GCNT4: variants seen among roughly 807,000 people sequenced by gnomAD.
GCNT4 encodes the protein glucosaminyl (N-acetyl) transferase 4.
Under a neutral mutation model 31.3 loss-of-function variants are expected in GCNT4, and 17 were observed. That is an observed-to-expected ratio of 0.54 (90% CI 0.37 to 0.81). The LOEUF is 0.81. GCNT4 is among the 40% of genes least tolerant of loss of function. The pLI is 0.00. For synonymous variants in GCNT4, 158 were observed against 190.6 expected, an observed-to-expected ratio of 0.83 and a Z score of 1.41; for missense variants, 503 against 525.5, an observed-to-expected ratio of 0.96 and a Z score of 0.42.
At chr5:75,031,271 T>A (rs149852068) in intron 3 of GCNT4, among the ~76,000 whole-genome samples, 47 of 152,216 alleles carry the variant, frequency 3.1e-4, no homozygotes, top group African/African-American at 5.1e-4. Flanking sequence ...GGAGTCTCAC[T>A]GTGCTGCCCA....
At chr5:75,021,222 T>C (rs1742877200), downstream of GCNT4, among the ~76,000 whole-genome samples, 1 of 152,186 alleles carries the variant, frequency 6.6e-6, no homozygotes, top group Non-Finnish European at 1.5e-5. Context: ...TGATACAAAC[T>C]TGTCCAAGTA....
intron 3 of GCNT4, among the ~76,000 whole-genome samples, chr5:75,046,393 A>G (rs1219334435): frequency 6.6e-6 from 1 of 152,162 alleles, no homozygotes; most frequent in African/African-American, 2.4e-5. Context: ...GAGAAGGAAG[A>G]AAAAAAGGAG....
Position 75,029,021 on chromosome 5 carries a change from C to T in GCNT4, c.1017G>A (p.Trp339Ter). 2.5e-6 allele frequency: 4 copies of T among 1,613,958 alleles called. No homozygotes were observed. The highest frequency in any genetic ancestry group is 2.2e-5 in the South Asian group (2 of 91,076). The change falls in exon 4 of 4, where the codon TGG (tryptophan) becomes TGA (stop). Residue 339 changes from tryptophan (W) to a stop codon, truncating the protein, a stop_gained. Coordinates refer to ENST00000652361, the MANE Select transcript of GCNT4 (RefSeq NM_001366737.1). LOFTEE classifies it high-confidence loss of function. Reference sequence around the variant, plus strand: ...TTCCTGGAACCCGAATCAAGGTAGCCCAAAAGTGCTCATCAGGAGAGTATG... The same window carrying T: ...TTCCTGGAACCCGAATCAAGGTAGCTCAAAAGTGCTCATCAGGAGAGTATG... ...KDTYSPDEHF[W>*]ATLIRVPGIP...
chr5:75,018,114 A>G, the GCNT4 span, among the ~76,000 whole-genome samples: 1 of 152,078 alleles, frequency 6.6e-6, no homozygotes, highest in Non-Finnish European at 1.5e-5. Context: ...TGCCAAGATG[A>G]TCCTCCTATC....
chr5:75,053,351 C>T (rs1388922463), upstream of GCNT4, among the ~76,000 whole-genome samples: 1 of 152,112 alleles, frequency 6.6e-6, no homozygotes, highest in Non-Finnish European at 1.5e-5. Flanking sequence ...GCGCCCCCGC[C>T]TGCCGCCTGG....
At position 75,052,430 on chromosome 5, in the gene GCNT4, T is replaced by TAGC. The variant is rs1743595030; in HGVS notation, c.-206_-204dup. The TAGC allele has an allele frequency of 6.6e-6, 1 of 152,162 alleles. No homozygotes were observed. Among genetic ancestry groups the TAGC allele is most frequent in the Non-Finnish European group, 1.5e-5 (1 of 68,030 alleles). The allele number at this position is 152,162 out of a possible 1,614,324, so 9.4% of individuals were successfully genotyped here. On this transcript the variant is annotated splice_region_variant and 5_prime_UTR_variant, in exon 1 of 4. Transcript: ENST00000652361. ...AAAACACCCACTCGCCCCGTTTACC[T>TAGC]AGCACCGTTTCCTACGTGAAGACTG...
chr5:75,035,680 C>T (rs919977636), intron 3 of GCNT4, among the ~76,000 whole-genome samples: 3 of 152,178 alleles, frequency 2.0e-5, no homozygotes, highest in South Asian at 4.1e-4. Flanking sequence ...CTCCAGCTAC[C>T]CCAACGCTGG....
At chr5:75,048,605 G>A (rs911742876) in intron 2 of GCNT4, among the ~76,000 whole-genome samples, 3 of 152,222 alleles carry the variant, frequency 2.0e-5, no homozygotes, top group Non-Finnish European at 4.4e-5. Context: ...CCACAAAGCT[G>A]CAGAATGCGA....
Position 75,028,716 on chromosome 5 carries a change from T to A in GCNT4, c.1322A>T (p.Glu441Val). Residue 441 changes from glutamate to valine, a missense_variant, in exon 4 of 4, where the codon GAA becomes GTA. Transcript: ENST00000652361. ...QQRDWITLPS[E>V]KLFMDRNLTT... The stretch of plus-strand genomic sequence containing the variant: ...GAGATTTCTATCCATAAATAACTTT[T>A]CTGAGGGCAAAGTGATCCAGTCTCT... 6.2e-7 allele frequency: 1 copy of A among 1,613,506 alleles called. No homozygotes were observed. The highest frequency in any genetic ancestry group is 2.2e-5 in the East Asian group (1 of 44,882).
rs142310122 is a variant in GCNT4 at position 75,038,306 on chromosome 5, G to A, written c.-1-8268C>T. Among the ~76,000 whole-genome samples, 193 of 152,238 alleles carry A rather than the reference G, an allele frequency of 1.3e-3. 1 individual carries two copies. The highest frequency in any genetic ancestry group is 4.4e-3 in the African/African-American group (182 of 41,520). On this transcript the variant is annotated intron_variant, in intron 3 of 3. Coordinates refer to ENST00000652361, the MANE Select transcript of GCNT4 (RefSeq NM_001366737.1). ...CCAATCCTTAATTAATAAACCCACAGTTCCTGAAGAAGCCCAGAAGTGCAA... is the reference window on the plus strand; with the variant it reads ...CCAATCCTTAATTAATAAACCCACAATTCCTGAAGAAGCCCAGAAGTGCAA...
At chr5:75,044,769 G>A (rs1027244538) in intron 3 of GCNT4, among the ~76,000 whole-genome samples, 1 of 151,930 alleles carries the variant, frequency 6.6e-6, no homozygotes, top group African/African-American at 2.4e-5. Flanking sequence ...AGGCCTCCAC[G>A]CTTCTCATGG....
Position 75,029,825 on chromosome 5 carries a change from A to G in GCNT4, c.213T>C (p.Val71=), listed in dbSNP as rs1448029354. The G allele has an allele frequency of 3.7e-6, 6 of 1,614,040 alleles. No individual in the cohort carries two copies. Among genetic ancestry groups the G allele is most frequent in the Admixed American group, 3.3e-5 (2 of 60,010 alleles). ...THVKDEVRYE[V]NCSGIYEQEP... ...CCTGTTCATAGATACCCGAACAGTT[A>G]ACTTCATACCTGACTTCATCCTTAA... is the stretch of plus-strand genomic sequence containing the variant. The change falls in exon 4 of 4, where the codon GTT becomes GTC. Residue 71 remains valine (V), a synonymous_variant. Coordinates refer to ENST00000652361, the MANE Select transcript of GCNT4 (RefSeq NM_001366737.1).
chr5:75,052,924 G>T (rs1054246705), upstream of GCNT4: 9 of 152,276 alleles, frequency 5.9e-5, no homozygotes, highest in Non-Finnish European at 1.3e-4. Context: ...GGGCCAGGAC[G>T]GCGGGATGCC....
the GCNT4 span, among the ~76,000 whole-genome samples, chr5:75,017,001 G>A: frequency 1.3e-5 from 2 of 152,164 alleles, no homozygotes; most frequent in Non-Finnish European, 2.9e-5. Context: ...TGAGACATGA[G>A]GAGCAGTAAC....
chr5:75,025,777 C>A lies in GCNT4; in HGVS notation c.*2899G>T, dbSNP rs2149945825. 1.3e-5 allele frequency: 2 copies of A among 152,258 alleles called. No homozygotes were observed. Among genetic ancestry groups the A allele is most frequent in the South Asian group, 4.1e-4 (2 of 4,820 alleles). The allele number at this position is 152,258 out of a possible 1,614,324, so 9.4% of individuals were successfully genotyped here. ...ACTGGTCTTTAAACACGTCTAATATCCCAAGAGATTGTTCACACAATATAG... is the reference window on the plus strand; with the variant it reads ...ACTGGTCTTTAAACACGTCTAATATACCAAGAGATTGTTCACACAATATAG... On this transcript the variant is annotated 3_prime_UTR_variant, in exon 4 of 4. Transcript: ENST00000652361.
chr5:75,045,657 T>C (rs1165395507), intron 3 of GCNT4, among the ~76,000 whole-genome samples: 3 of 152,236 alleles, frequency 2.0e-5, no homozygotes, highest in African/African-American at 7.2e-5. Flanking sequence ...TATATAAACC[T>C]TATATTCTTA....
chr5:75,039,109 G>C (rs1292860027), intron 3 of GCNT4, among the ~76,000 whole-genome samples: 2 of 151,774 alleles, frequency 1.3e-5, no homozygotes, highest in Non-Finnish European at 2.9e-5. Context: ...TTTTCAGACA[G>C]GGTCTCACTC....
intron 3 of GCNT4, among the ~76,000 whole-genome samples, chr5:75,043,098 C>T (rs1429884942): frequency 6.6e-6 from 1 of 152,188 alleles, no homozygotes; most frequent in Non-Finnish European, 1.5e-5. Context: ...ATTAAGTTAA[C>T]AGGTCTTTCT....
At chr5:75,020,706 G>C (rs1372480678), downstream of GCNT4, among the ~76,000 whole-genome samples, 2 of 152,056 alleles carry the variant, frequency 1.3e-5, no homozygotes. Context: ...TGAAATATTA[G>C]GTCAGAACAC....
Sources: gnomAD v4.1 joint callset for allele counts (sites outside exome capture counted in the v4.1 genomes callset) on GRCh38, gnomAD v4.1.1 for gene constraint, MANE v1.5 for transcripts, NCBI Gene and HGNC (gene_info 2026-07-23, HGNC 2026-07-21) for gene names.